Variants in HIF1A observed in about 807,000 individuals in gnomAD.
The protein encoded by HIF1A is hypoxia inducible factor 1 subunit alpha.
A neutral mutation model predicts 92.7 loss-of-function variants in HIF1A; 24 were observed. The observed-to-expected ratio is 0.26, with a 90% CI of 0.19 to 0.36. The LOEUF is 0.36. Ranked by LOEUF, HIF1A falls within the 10% of genes least tolerant of loss-of-function variation. HIF1A has a pLI of 1.00. For missense variants in HIF1A, 799 were observed against 998.5 expected (o/e 0.80, Z 2.69); for synonymous variants, 319 against 338.7 (o/e 0.94, Z 0.64).
At chr14:61,745,235 C>G (rs2044764596) in intron 13 of HIF1A, among the ~76,000 whole-genome samples, 4 of 152,080 alleles carry the variant, frequency 2.6e-5, no homozygotes, top group Admixed American at 2.6e-4. Flanking sequence ...CCAGCCTGGC[C>G]AACTTGGTGA....
chr14:61,709,489 G>A lies in HIF1A; in HGVS notation c.36-10893G>A, dbSNP rs113547625. On this transcript the variant is annotated intron_variant, in intron 1 of 14. Coordinates refer to ENST00000337138, the MANE Select transcript of HIF1A (RefSeq NM_001530.4). ...ATGTAAAACAGTGATTCTTTTCCCC[G>A]TTTATTTTACTGCATTAGAAAATCA... Among the ~76,000 whole-genome samples the A allele has an allele frequency of 4.7e-3, 700 of 148,744 alleles. 11 individuals are homozygous for A. The highest frequency in any genetic ancestry group is 0.017 in the African/African-American group (666 of 38,488).
intron 7 of HIF1A, 114 bp downstream of exon 7, chr14:61,732,638 A>G (rs183842042): frequency 1.3e-5 from 8 of 639,154 alleles, no homozygotes; most frequent in Admixed American, 1.2e-4. Context: ...AAATGTGTTA[A>G]CAGGCCTATT....
chr14:61,721,418 T>C (rs1183360239), intron 2 of HIF1A, 91 bp from the exon 3 acceptor site: 1 of 1,057,406 alleles, frequency 9.5e-7, no homozygotes, highest in Non-Finnish European at 1.4e-6. Context: ...ATAAAGTGTC[T>C]GCGAGAAAAC....
At position 61,720,590 on chromosome 14, in the gene HIF1A, G is replaced by T. The variant is rs2044415262; in HGVS notation, c.226+18G>T. 6.9e-7 allele frequency: 1 copy of T among 1,452,984 alleles called. No individual in the cohort carries two copies. The highest frequency in any genetic ancestry group is 9.3e-7 in the Non-Finnish European group (1 of 1,070,442). The allele number at this position is 1,452,984 out of a possible 1,614,324, so 90.0% of individuals were successfully genotyped here. A position where few individuals can be genotyped will look rare whatever the true frequency, so the allele number is the denominator to read the frequency against. On this transcript the variant is annotated intron_variant, in intron 2 of 14. Coordinates refer to ENST00000337138, the MANE Select transcript of HIF1A (RefSeq NM_001530.4). ...GGATGCTGGTGAGTTATTTTACAAG[G>T]GTATAAATAGGCCTGAAAATTAGAA...
At chr14:61,746,215 ACT>A (rs1210498176) in intron 14 of HIF1A, among the ~76,000 whole-genome samples, 2 of 122,098 alleles carry the variant, frequency 1.6e-5, no homozygotes, top group East Asian at 2.3e-4. Flanking sequence ...CAAGGGTGAG[ACT>A]CTGCCTCAAA....
chr14:61,735,783 T>G (rs2044628608), intron 8 of HIF1A, among the ~76,000 whole-genome samples: 1 of 152,198 alleles, frequency 6.6e-6, no homozygotes, highest in African/African-American at 2.4e-5. Flanking sequence ...GGCCCCTCTC[T>G]TAGAAAGATC....
chr14:61,707,463 C>T (rs563198580), intron 1 of HIF1A, among the ~76,000 whole-genome samples: 1 of 152,140 alleles, frequency 6.6e-6, no homozygotes, highest in Admixed American at 6.5e-5. Context: ...CCGCTCCCCC[C>T]ACCCCACAAC....
Position 61,736,987 on chromosome 14 carries a change from C to T in HIF1A, c.1127C>T (p.Thr376Ile), listed in dbSNP as rs762002961. Reference sequence around the variant, plus strand: ...GATATGAAAATGACTCAGCTATTCACCAAAGTTGAATCAGAAGATACAAGT... The same window carrying T: ...GATATGAAAATGACTCAGCTATTCATCAAAGTTGAATCAGAAGATACAAGT... The part of the protein sequence containing the change: ...SSDMKMTQLF[T>I]KVESEDTSSL... Residue 376 changes from threonine (T) to isoleucine (I), a missense_variant, in exon 9 of 15, where the codon ACC becomes ATC. By Grantham distance (89) the Thr-to-Ile change is moderately conservative. Coordinates refer to ENST00000337138, the MANE Select transcript of HIF1A (RefSeq NM_001530.4). 6.2e-7 allele frequency: 1 copy of T among 1,613,278 alleles called. No homozygotes were observed. Among genetic ancestry groups the T allele is most frequent in the Non-Finnish European group, 8.5e-7 (1 of 1,179,200 alleles).
chr14:61,717,850 G>GTTTTT (rs1173955483), intron 1 of HIF1A, among the ~76,000 whole-genome samples: 2 of 133,330 alleles, frequency 1.5e-5, no homozygotes, highest in African/African-American at 7.0e-5. Flanking sequence ...GGTGAAACCT[G>GTTTTT]TCTGTACTAA....
intron 9 of HIF1A, 110 bp from the exon 10 acceptor site, chr14:61,737,977 A>AGATTGCGC: frequency 2.4e-6 from 2 of 829,684 alleles, no homozygotes; most frequent in East Asian, 5.6e-5. Flanking sequence ...CAGTGAGCCA[A>AGATTGCGC]GATTGCGCCA....
At chr14:61,739,604 T>A (rs958118689) in intron 10 of HIF1A, among the ~76,000 whole-genome samples, 2 of 152,210 alleles carry the variant, frequency 1.3e-5, no homozygotes, top group Non-Finnish European at 2.9e-5. Context: ...GTTTGATTCA[T>A]CTTGGTTTTT....
rs536180089 is a variant in HIF1A, at chr14:61,704,336, G to GT, written c.35+8505dup. 4.7e-3 allele frequency among the ~76,000 whole-genome samples: 720 copies of GT among 151,902 alleles called. 4 individuals carry two copies. Among genetic ancestry groups the GT allele is most frequent in the African/African-American group, 0.015 (627 of 41,418 alleles). On this transcript the variant is annotated intron_variant, in intron 1 of 14. Transcript: ENST00000337138. ...GTTACTGATGCTTTTCCTTTACTTGGTTTTTTTTCCATAAACATCTGGCCT... is the reference window on the plus strand; with the variant it reads ...GTTACTGATGCTTTTCCTTTACTTGGTTTTTTTTTCCATAAACATCTGGCCT...
At chr14:61,738,445 G>A (rs369756742) in intron 10 of HIF1A, 72 bp downstream of exon 10, 2 of 1,328,558 alleles carry the variant, frequency 1.5e-6, no homozygotes, top group East Asian at 2.3e-5. Context: ...TTATAAGTTT[G>A]ATTCAAACAC....
At chr14:61,719,973 A>G (rs1053585879) in intron 1 of HIF1A, among the ~76,000 whole-genome samples, 5 of 152,186 alleles carry the variant, frequency 3.3e-5, no homozygotes, top group Non-Finnish European at 7.3e-5. Flanking sequence ...GTTATTATGT[A>G]CAACTTTAGG....
chr14:61,741,160 A>G lies in HIF1A; in HGVS notation c.2065A>G (p.Asn689Asp). The G allele has an allele frequency of 1.2e-6, 2 of 1,608,876 alleles. No individual in the cohort carries two copies. Among genetic ancestry groups the G allele is most frequent in the Non-Finnish European group, 1.7e-6 (2 of 1,178,330 alleles). Residue 689 changes from asparagine to aspartate, a missense_variant, in exon 12 of 15, where the codon AAC becomes GAC. Transcript: ENST00000337138. ...AGAAAAATCTCATCCAAGAAGCCCT[A>G]ACGTGTTATCTGTCGCTTTGAGTCA... ...QTEKSHPRSP[N>D]VLSVALSQRT... is the part of the protein sequence containing the mutation.
intron 4 of HIF1A, among the ~76,000 whole-genome samples, chr14:61,724,678 G>A (rs562543094): frequency 6.6e-6 from 1 of 152,032 alleles, no homozygotes; most frequent in Admixed American, 6.5e-5. Context: ...TAGCATTACA[G>A]TTTCCAGATT....
chr14:61,736,615 A>G (rs1280771959), intron 8 of HIF1A, among the ~76,000 whole-genome samples: 1 of 152,194 alleles, frequency 6.6e-6, no homozygotes. Context: ...CACTTAGGAT[A>G]ATGGTCTCTG....
Position 61,738,341 on chromosome 14 carries a change from T to C in HIF1A, c.1504T>C (p.Ser502Pro). ...PQIQDQTPSP[S>P]DGSTRQSSPE... ...GATTCAGGATCAGACACCTAGTCCT[T>C]CCGATGGAAGCACTAGACAAAGTTC... Residue 502 changes from serine (S) to proline (P), a missense_variant, in exon 10 of 15, where the codon TCC becomes CCC. Around this residue, in one of 2 missense-constraint regions of HIF1A, gnomAD observed 516 missense variants for 721.0 expected, o/e 0.72. Transcript: ENST00000337138. 2 of 1,611,766 alleles carry C rather than the reference T, an allele frequency of 1.2e-6. No individual in the cohort carries two copies. Among genetic ancestry groups the C allele is most frequent in the Non-Finnish European group, 1.7e-6 (2 of 1,178,848 alleles).
At chr14:61,730,299 C>T (rs2044560561) in intron 6 of HIF1A, among the ~76,000 whole-genome samples, 1 of 152,282 alleles carries the variant, frequency 6.6e-6, no homozygotes, top group South Asian at 2.1e-4. Flanking sequence ...ATGTGTAAAA[C>T]TGACCTTCTA....
Sources: allele counts gnomAD v4.1 joint callset (sites outside exome capture counted in the v4.1 genomes callset), GRCh38; gene constraint gnomAD v4.1.1; regional missense constraint gnomAD v4.1.1; transcripts MANE v1.5; gene names NCBI Gene and HGNC (gene_info 2026-07-23, HGNC 2026-07-21).